Variants in EIF3H observed in about 807,000 individuals in gnomAD.
EIF3H encodes eIF-3-gamma.
In EIF3H, 26 loss-of-function variants were observed where a neutral mutation model predicts 44.2. The observed-to-expected ratio is 0.59, with a 90% confidence interval of 0.43 to 0.82. The LOEUF is 0.82. Among genes scored for constraint, EIF3H ranks in the 40% least tolerant of loss-of-function variants. The pLI, the probability that EIF3H is intolerant of heterozygous loss-of-function variation, is 0.00. For missense variants in EIF3H, 359 were observed against 432.8 expected (o/e 0.83, Z 1.51); for synonymous variants, 166 against 151.9 (o/e 1.09, Z -0.68).
chr8:116,731,896 C>T (rs117587796), intron 1 of EIF3H, among the ~76,000 whole-genome samples: 1 of 152,344 alleles, frequency 6.6e-6, no homozygotes, highest in East Asian at 1.9e-4. Flanking sequence ...AATTCTTCTA[C>T]ACCTTCTGAA....
intron 2 of EIF3H, among the ~76,000 whole-genome samples, chr8:116,686,331 T>C (rs1319127265): frequency 6.6e-6 from 1 of 152,164 alleles, no homozygotes; most frequent in Non-Finnish European, 1.5e-5. Context: ...ATAAGCTCCA[T>C]GGAATGAGTT....
At chr8:116,747,837 C>T (rs897816446) in intron 1 of EIF3H, among the ~76,000 whole-genome samples, 1 of 152,066 alleles carries the variant, frequency 6.6e-6, no homozygotes, top group African/African-American at 2.4e-5. Context: ...CAGCCTGCTG[C>T]GGTGGCTCAC....
chr8:116,645,612 C>T (rs555992881), intron 7 of EIF3H, among the ~76,000 whole-genome samples: 2 of 152,312 alleles, frequency 1.3e-5, no homozygotes, highest in South Asian at 4.1e-4. Context: ...TCCATCATTG[C>T]TTTTTATGTC....
intron 2 of EIF3H, among the ~76,000 whole-genome samples, chr8:116,709,664 C>T (rs955742094): frequency 2.0e-5 from 3 of 152,232 alleles, no homozygotes; most frequent in African/African-American, 7.2e-5. Flanking sequence ...GAAGCTATAG[C>T]TCTTGTCTTT....
chr8:116,681,271 G>A (rs1396755270), intron 2 of EIF3H, among the ~76,000 whole-genome samples: 2 of 152,136 alleles, frequency 1.3e-5, no homozygotes, highest in Non-Finnish European at 2.9e-5. Context: ...GCTGAGGCAC[G>A]AGAATCACTT....
At chr8:116,646,624 G>C (rs756852241) in intron 6 of EIF3H, 21 bp from the exon 7 acceptor site, 2 of 1,612,388 alleles carry the variant, frequency 1.2e-6, no homozygotes, top group Non-Finnish European at 1.7e-6. Context: ...AAGGGAAAAT[G>C]GTTTGGTTAT....
chr8:116,663,172 G>T (rs1206916395), intron 2 of EIF3H, among the ~76,000 whole-genome samples: 1 of 152,198 alleles, frequency 6.6e-6, no homozygotes, highest in Non-Finnish European at 1.5e-5. Flanking sequence ...TCACTCTCGA[G>T]AAATAAGGCT....
chr8:116,706,522 T>C (rs1196161508), intron 2 of EIF3H, among the ~76,000 whole-genome samples: 1 of 152,030 alleles, frequency 6.6e-6, no homozygotes, highest in Non-Finnish European at 1.5e-5. Flanking sequence ...TTTAACACTT[T>C]ATTTATTTAT....
intron 2 of EIF3H, among the ~76,000 whole-genome samples, chr8:116,666,976 CATGT>C (rs1361997190): frequency 6.6e-6 from 1 of 152,138 alleles, no homozygotes; most frequent in Non-Finnish European, 1.5e-5. Flanking sequence ...CACCTGTGTG[CATGT>C]GTACACGCTC....
chr8:116,656,071 T>A (rs937532233), intron 4 of EIF3H, 66 bp from the exon 5 acceptor site: 35 of 1,492,840 alleles, frequency 2.3e-5, no homozygotes, highest in Non-Finnish European at 3.0e-5. Context: ...GACTACTTCA[T>A]AAAATTTACC....
At chr8:116,730,447 C>T (rs1428404563) in intron 1 of EIF3H, among the ~76,000 whole-genome samples, 2 of 152,176 alleles carry the variant, frequency 1.3e-5, no homozygotes, top group Non-Finnish European at 1.5e-5. Context: ...CTCACATCCC[C>T]GCAACCCCCC....
intron 1 of EIF3H, among the ~76,000 whole-genome samples, chr8:116,741,272 C>T (rs1220670675): frequency 6.6e-6 from 1 of 152,002 alleles, no homozygotes; most frequent in Admixed American, 6.6e-5. Context: ...TTTTTTCAGC[C>T]TAATAAGAGG....
At chr8:116,752,814 A>AG (rs1815381107) in intron 1 of EIF3H, among the ~76,000 whole-genome samples, 1 of 144,078 alleles carries the variant, frequency 6.9e-6, no homozygotes, top group African/African-American at 2.7e-5. Context: ...GGAAGGAAGG[A>AG]AGGAAGGAAG....
At chr8:116,702,606 T>C (rs1814396517) in intron 2 of EIF3H, among the ~76,000 whole-genome samples, 1 of 152,160 alleles carries the variant, frequency 6.6e-6, no homozygotes, top group Admixed American at 6.5e-5. Context: ...TAGTAGGGAC[T>C]CAGTGGATGA....
chr8:116,734,008 T>C (rs1208503243), intron 1 of EIF3H, among the ~76,000 whole-genome samples: 3 of 152,304 alleles, frequency 2.0e-5, no homozygotes, highest in South Asian at 2.1e-4. Flanking sequence ...GTTCTTGCAG[T>C]CAATCCTTTA....
At chr8:116,645,208 T>G (rs1813278628) in intron 7 of EIF3H, 105 bp from the exon 8 acceptor site, 1 of 825,022 alleles carries the variant, frequency 1.2e-6, no homozygotes, top group Non-Finnish European at 2.0e-6. Context: ...ATCACCTGTT[T>G]ATTGTTTTGA....
At chr8:116,761,825 C>T (rs1171977551) in intron 1 of EIF3H, among the ~76,000 whole-genome samples, 1 of 152,204 alleles carries the variant, frequency 6.6e-6, no homozygotes, top group Non-Finnish European at 1.5e-5. Flanking sequence ...CTGGCAGGAC[C>T]TATATACATG....
chr8:116,759,782 T>C (rs567303438), upstream of EIF3H, among the ~76,000 whole-genome samples: 7 of 151,806 alleles, frequency 4.6e-5, no homozygotes, highest in South Asian at 1.2e-3. Flanking sequence ...CAGGCTGGAG[T>C]GTAATGGCAC....
chr8:116,646,996 A>C lies in EIF3H; in HGVS notation c.829-393T>G, dbSNP rs73701322. ...ACTAAGTAATGAACTACCACACTGGAAATTCTTTCACCTTTACTCCTATTG... is the reference window on the plus strand; with the variant it reads ...ACTAAGTAATGAACTACCACACTGGCAATTCTTTCACCTTTACTCCTATTG... On this transcript the variant is annotated intron_variant, in intron 6 of 7. Coordinates refer to ENST00000521861, the MANE Select transcript of EIF3H (RefSeq NM_003756.3). 2.3e-3 allele frequency among the ~76,000 whole-genome samples: 357 copies of C among 152,284 alleles called. 4 individuals are homozygous for C. Among genetic ancestry groups the C allele is most frequent in the African/African-American group, 8.2e-3 (342 of 41,550 alleles).
Sources: allele counts gnomAD v4.1 joint callset (sites outside exome capture counted in the v4.1 genomes callset), GRCh38; gene constraint gnomAD v4.1.1; transcripts MANE v1.5; gene names NCBI Gene and HGNC (gene_info 2026-07-23, HGNC 2026-07-21).